CLCN4: variants seen among roughly 807,000 people sequenced by gnomAD.
The protein encoded by CLCN4 is Cl-/H+ antiporter 4.
In CLCN4, 1 loss-of-function variant was observed where a neutral mutation model predicts 41.7. That is an observed-to-expected ratio of 0.02 (90% CI 0.01 to 0.11). CLCN4 has a LOEUF of 0.11. CLCN4 is among the 10% of genes least tolerant of loss of function. The probability of loss-of-function intolerance (pLI) is 1.00; values close to 1 mark genes in which losing one functional copy is unlikely to be tolerated. For synonymous variants in CLCN4, 277 were observed against 285.8 expected, an observed-to-expected ratio of 0.97 and a Z score of 0.31; for missense variants, 287 against 661.0, an observed-to-expected ratio of 0.43 and a Z score of 6.20.
intron 2 of CLCN4, among the ~76,000 whole-genome samples, chrX:10,169,044 A>G (rs1923316408): frequency 9.0e-6 from 1 of 110,570 alleles, no homozygotes; most frequent in Admixed American, 9.7e-5. Context: ...CTTGTTTAAC[A>G]GTTCGATTAT....
At chrX:10,204,609 T>C (rs1205667696) in intron 6 of CLCN4, among the ~76,000 whole-genome samples, 1 of 88,055 alleles carries the variant, frequency 1.1e-5, no homozygotes, top group Non-Finnish European at 2.2e-5. Context: ...AGAAAGCTAG[T>C]AGTCTTTTTT....
chrX:10,225,190 C>T (rs1296318918), intron 12 of CLCN4, among the ~76,000 whole-genome samples: 1 of 112,080 alleles, frequency 8.9e-6, no homozygotes, highest in African/African-American at 3.2e-5. Context: ...AATGGTTGAA[C>T]TAATTTACAT....
chrX:10,163,984 A>G (rs1223835736), intron 2 of CLCN4, among the ~76,000 whole-genome samples: 2 of 112,801 alleles, frequency 1.8e-5, no homozygotes, highest in Non-Finnish European at 3.7e-5. Context: ...CTACAAGTCT[A>G]GGCAGTGGGA....
At chrX:10,171,274 G>T (rs1209514804) in intron 2 of CLCN4, among the ~76,000 whole-genome samples, 5 of 112,258 alleles carry the variant, frequency 4.5e-5, no homozygotes, top group Admixed American at 1.9e-4. Context: ...TGTTTTTGAT[G>T]TCATTTCTAA....
chrX:10,210,365 T>C (rs751838625), intron 9 of CLCN4, among the ~76,000 whole-genome samples: 1 of 111,558 alleles, frequency 9.0e-6, no homozygotes, highest in Non-Finnish European at 1.9e-5. Flanking sequence ...TGGAGTTTCA[T>C]AAAACACACA....
intron 2 of CLCN4, among the ~76,000 whole-genome samples, chrX:10,172,881 T>C (rs2147161075): frequency 8.9e-6 from 1 of 112,112 alleles, no homozygotes; most frequent in South Asian, 3.7e-4. Flanking sequence ...AACAGCGGTC[T>C]GTTGTATAAT....
intron 2 of CLCN4, among the ~76,000 whole-genome samples, chrX:10,167,503 C>A (rs913255896): frequency 2.7e-5 from 3 of 112,121 alleles, no homozygotes; most frequent in Non-Finnish European, 5.6e-5. Flanking sequence ...CCATATGGAA[C>A]CATTCAGGGC....
chrX:10,206,351 G>A lies in CLCN4; in HGVS notation c.556-7G>A. 1 of 1,196,422 alleles carries A rather than the reference G, an allele frequency of 8.4e-7. No homozygotes were observed. Among genetic ancestry groups the A allele is most frequent in the Non-Finnish European group, 1.1e-6 (1 of 882,907 alleles). On this transcript the variant is annotated splice_polypyrimidine_tract_variant and splice_region_variant and intron_variant, in intron 6 of 12. Transcript: ENST00000380833. ...CATTCCCTCTTGTTCTCCATCCTCTGTTTCAGATAAAGACCATTTTGAGCG... is the reference window on the plus strand; with the variant it reads ...CATTCCCTCTTGTTCTCCATCCTCTATTTCAGATAAAGACCATTTTGAGCG...
Position 10,213,077 on chromosome X carries a change from T to C in CLCN4, c.1576+424T>C, listed in dbSNP as rs150276603. On this transcript the variant is annotated intron_variant, in intron 10 of 12. Transcript: ENST00000380833. ...TTTTATAATGAAGTTGAATATCTCT[T>C]GTAATTTATTGAATATTGTACTGGA... Among the ~76,000 whole-genome samples, 493 of 112,006 alleles carry C rather than the reference T, an allele frequency of 4.4e-3. 4 individuals are homozygous for C. The highest frequency in any genetic ancestry group is 0.015 in the African/African-American group (469 of 30,787).
intron 5 of CLCN4, 127 bp from the exon 6 acceptor site, chrX:10,197,812 G>T (rs1024618948): frequency 1.1e-5 from 9 of 833,991 alleles, no homozygotes; most frequent in African/African-American, 2.0e-5. Flanking sequence ...GTTTATACAG[G>T]ACTGGGACCA....
intron 2 of CLCN4, among the ~76,000 whole-genome samples, chrX:10,159,028 G>A (rs1234498360): frequency 8.9e-6 from 1 of 112,847 alleles, no homozygotes; most frequent in African/African-American, 3.2e-5. Flanking sequence ...GGGCTGGGGA[G>A]TGGAAACTTC....
chrX:10,161,546 G>A (rs897325904), intron 2 of CLCN4, among the ~76,000 whole-genome samples: 4 of 112,239 alleles, frequency 3.6e-5, no homozygotes, highest in African/African-American at 1.3e-4. Flanking sequence ...CCAAACAAAC[G>A]TGTAACAGGC....
At chrX:10,216,878 G>GGGGT (rs1569232668) in intron 11 of CLCN4, among the ~76,000 whole-genome samples, 3 of 9,225 alleles carry the variant, frequency 3.3e-4, no homozygotes, top group African/African-American at 1.2e-3. Flanking sequence ...TTCTGTTGGG[G>GGGGT]ATGTGTGTGT....
chrX:10,236,734 T>TG lies in CLCN4; in HGVS notation c.*3150_*3151insG, dbSNP rs1925262388. ...TCTTTCAGAATAAGGTTTTTTTTTT[T>TG]TTCCTCTTCCAGAACCAAAGGCTTT... On this transcript the variant is annotated 3_prime_UTR_variant, in exon 13 of 13. Coordinates refer to ENST00000380833, the MANE Select transcript of CLCN4 (RefSeq NM_001830.4). The TG allele has an allele frequency of 9.0e-6, 1 of 111,305 alleles. No individual in the cohort carries two copies. The highest frequency in any genetic ancestry group is 1.9e-5 in the Non-Finnish European group (1 of 53,044). 9.2% of individuals were successfully genotyped at this position (111,305 alleles called of 1,213,427 possible).
chrX:10,233,636 G>T lies in CLCN4; in HGVS notation c.*52G>T, dbSNP rs10610. The stretch of plus-strand genomic sequence containing the variant: ...AAACACTGACTGTGTCATTTAAAAA[G>T]AAATAAATGATATGTTATTATCCCA... On this transcript the variant is annotated 3_prime_UTR_variant, in exon 13 of 13. Coordinates refer to ENST00000380833, the MANE Select transcript of CLCN4 (RefSeq NM_001830.4). 2 of 927,759 alleles carry T rather than the reference G, an allele frequency of 2.2e-6. No individual in the cohort carries two copies. The highest frequency in any genetic ancestry group is 2.0e-5 in the South Asian group (1 of 49,683). The allele number at this position is 927,759 out of a possible 1,213,427, so 76.5% of individuals were successfully genotyped here. A position where few individuals can be genotyped will look rare whatever the true frequency, so the allele number is the denominator to read the frequency against.
At chrX:10,229,934 G>A (rs1925085357) in intron 12 of CLCN4, among the ~76,000 whole-genome samples, 1 of 112,278 alleles carries the variant, frequency 8.9e-6, no homozygotes, top group Admixed American at 9.4e-5. Flanking sequence ...ATACTGGCAT[G>A]CAATGCATAA....
chrX:10,165,033 C>T (rs936539404), intron 2 of CLCN4, among the ~76,000 whole-genome samples: 16 of 112,608 alleles, frequency 1.4e-4, no homozygotes, highest in South Asian at 3.6e-4. Flanking sequence ...TCCCTTGTTG[C>T]CTTCTCCAAG....
intron 2 of CLCN4, among the ~76,000 whole-genome samples, chrX:10,175,804 G>A (rs1225416694): frequency 1.8e-5 from 2 of 109,502 alleles, no homozygotes; most frequent in Admixed American, 9.7e-5. Flanking sequence ...TGAAGCATTC[G>A]GATCACTAAT....
intron 4 of CLCN4, among the ~76,000 whole-genome samples, chrX:10,190,156 T>A (rs1923921110): frequency 9.0e-6 from 1 of 111,554 alleles, no homozygotes; most frequent in Non-Finnish European, 1.9e-5. Context: ...TAGTGAGCGG[T>A]CGCACTGCAT....
Sources: gnomAD v4.1 joint callset for allele counts (sites outside exome capture counted in the v4.1 genomes callset) on GRCh38, gnomAD v4.1.1 for gene constraint, MANE v1.5 for transcripts, NCBI Gene and HGNC (gene_info 2026-07-23, HGNC 2026-07-21) for gene names.